The following RASA4 variants were observed in gnomAD, a reference collection of about 807,000 sequenced individuals.
The protein encoded by RASA4 is ras GTPase-activating protein 4.
RASA4 carries 5 observed loss-of-function variants against 24.0 expected under a neutral mutation model. The ratio of observed to expected loss-of-function variants is 0.21; its 90% CI spans 0.11 to 0.44. The LOEUF (loss-of-function observed/expected upper bound fraction) is 0.44. Among genes scored for constraint, RASA4 ranks in the 20% least tolerant of loss-of-function variants. The pLI, the probability that RASA4 is intolerant of heterozygous loss-of-function variation, is 0.99. For missense variants in RASA4, 38 were observed against 293.0 expected, an observed-to-expected ratio of 0.13 and a Z score of 6.35; for synonymous variants, 9 against 132.7, an observed-to-expected ratio of 0.07 and a Z score of 6.41.
At chr7:102,603,859 AACCACC>A (rs1790484401) in intron 5 of RASA4, among the ~76,000 whole-genome samples, 1 of 103,996 alleles carries the variant, frequency 9.6e-6, no homozygotes, top group Non-Finnish European at 2.1e-5. Context: ...AAAAAAAAAA[AACCACC>A]AAAAAAAAAA....
intron 5 of RASA4, among the ~76,000 whole-genome samples, chr7:102,605,035 CA>C (rs1228947762): frequency 1.6e-5 from 2 of 127,074 alleles, no homozygotes; most frequent in African/African-American, 5.0e-5. Context: ...GTGGCCCTGT[CA>C]CAGGTGACTC....
intron 2 of RASA4, among the ~76,000 whole-genome samples, chr7:102,610,517 C>T (rs865925562): frequency 1.1e-3 from 159 of 146,430 alleles, no homozygotes; most frequent in African/African-American, 3.7e-3. Context: ...AGGGTGCAGG[C>T]TGGGGTTGCC....
intron 5 of RASA4, among the ~76,000 whole-genome samples, chr7:102,603,888 T>A: frequency 7.1e-6 from 1 of 141,714 alleles, no homozygotes; most frequent in East Asian, 2.2e-4. Context: ...ACAGCCCGGG[T>A]GCAGTGGCTC....
intron 16 of RASA4, among the ~76,000 whole-genome samples, chr7:102,591,035 T>G (rs1586837370): frequency 7.5e-6 from 1 of 132,966 alleles, no homozygotes; most frequent in Non-Finnish European, 1.6e-5. Flanking sequence ...ATCATCTGAG[T>G]GCTTTGGGAG....
rs1300466079 is a variant in RASA4 at position 102,581,684 on chromosome 7, GC to G, written c.*1086del. ...TCAAGTTTTGCCAACCATCGGACCA[GC>G]CCCGGGCCTCTATGATGAAGGCATC... On this transcript the variant is annotated 3_prime_UTR_variant, in exon 21 of 21. Coordinates refer to ENST00000262940, the MANE Select transcript of RASA4 (RefSeq NM_006989.6). 1 of 21,296 alleles carries G rather than the reference GC, an allele frequency of 4.7e-5. No individual in the cohort carries two copies. Among genetic ancestry groups the G allele is most frequent in the East Asian group, 1.1e-3 (1 of 898 alleles). 1.3% of individuals were successfully genotyped at this position (21,296 alleles called of 1,614,324 possible). A position where few individuals can be genotyped will look rare whatever the true frequency, so the allele number is the denominator to read the frequency against.
chr7:102,603,838 CAAA>C (rs148681177), intron 5 of RASA4, among the ~76,000 whole-genome samples: 6,317 of 49,870 alleles, frequency 0.13, 672 homozygotes, highest in African/African-American at 0.26. Context: ...CAGACTGCCT[CAAA>C]AAAAAAAAAA....
chr7:102,603,203 C>T (rs1323988480), intron 5 of RASA4, among the ~76,000 whole-genome samples: 8 of 140,682 alleles, frequency 5.7e-5, no homozygotes, highest in Admixed American at 3.6e-4. Flanking sequence ...TCAGGTGATC[C>T]GCCTGCCTTG....
intron 5 of RASA4, among the ~76,000 whole-genome samples, chr7:102,603,259 C>G (rs1336874212): frequency 7.9e-4 from 103 of 129,866 alleles, no homozygotes; most frequent in Admixed American, 1.5e-3. Flanking sequence ...CCGCGCCTGG[C>G]CCTTTTATTC....
chr7:102,604,077 T>C (rs1304858958), intron 5 of RASA4, among the ~76,000 whole-genome samples: 1 of 145,414 alleles, frequency 6.9e-6, no homozygotes, highest in African/African-American at 2.5e-5. Flanking sequence ...GGCAGGAGAA[T>C]TGCTTGAACC....
Position 102,580,613 on chromosome 7 carries a change from G to A in RASA4, c.*2158C>T, listed in dbSNP as rs1415100895. 7 of 42,974 alleles carry A rather than the reference G, an allele frequency of 1.6e-4. No homozygotes were observed. Among genetic ancestry groups the A allele is most frequent in the African/African-American group, 3.6e-4 (7 of 19,326 alleles). 2.7% of individuals were successfully genotyped at this position (42,974 alleles called of 1,614,324 possible). ...TCTCAGCACTTTCGGAGGCCAAGGC[G>A]GTCAGATCACCTGAGGTCAGGAGTT... On this transcript the variant is annotated 3_prime_UTR_variant, in exon 21 of 21. Coordinates refer to ENST00000262940, the MANE Select transcript of RASA4 (RefSeq NM_006989.6).
At chr7:102,606,391 ATC>A in intron 4 of RASA4, among the ~76,000 whole-genome samples, 1 of 64,240 alleles carries the variant, frequency 1.6e-5, no homozygotes, top group African/African-American at 4.6e-5. Flanking sequence ...GCAAGACCCC[ATC>A]TCAAAAAAAA....
intron 8 of RASA4, among the ~76,000 whole-genome samples, chr7:102,597,824 C>T (rs1197240589): frequency 5.4e-5 from 2 of 36,996 alleles, no homozygotes; most frequent in Non-Finnish European, 7.1e-5. Flanking sequence ...CAGCAATTAT[C>T]CTGCTTCAGT....
chr7:102,592,080 C>T (rs1373717333), intron 16 of RASA4, among the ~76,000 whole-genome samples: 1 of 150,576 alleles, frequency 6.6e-6, no homozygotes, highest in Non-Finnish European at 1.5e-5. Flanking sequence ...AGTGATCCAC[C>T]CGCCTTGGCC....
intron 1 of RASA4, chr7:102,612,163 C>G (rs545081566): frequency 0.018 from 2,518 of 143,638 alleles, 32 homozygotes; most frequent in Admixed American, 0.052. Context: ...AGCCCTCCCT[C>G]GCCCCAGGAC....
chr7:102,594,902 A>C (rs1490419801), intron 11 of RASA4, among the ~76,000 whole-genome samples: 9 of 51,200 alleles, frequency 1.8e-4, no homozygotes, highest in African/African-American at 3.7e-4. Flanking sequence ...GGTGCGGGGC[A>C]CGGAGTCTAG....
In RASA4 at chr7:102,603,456, A is replaced by G. The variant is rs1790460126; in HGVS notation, c.429-1051T>C. 3.3e-5 allele frequency among the ~76,000 whole-genome samples: 5 copies of G among 150,548 alleles called. No homozygotes were observed. The South Asian group carries it at 1.1e-3, about 32-fold the overall frequency. On this transcript the variant is annotated intron_variant, in intron 5 of 20. Transcript: ENST00000262940. ...CTAATTTTTAAATTTTTTTGTAGAGACAGGATCTTGCTGTTGCCCAGGCTG... is the reference window on the plus strand; with the variant it reads ...CTAATTTTTAAATTTTTTTGTAGAGGCAGGATCTTGCTGTTGCCCAGGCTG...
chr7:102,590,588 G>A (rs1789930500), intron 16 of RASA4, among the ~76,000 whole-genome samples: 2 of 107,434 alleles, frequency 1.9e-5, no homozygotes, highest in African/African-American at 4.4e-5. Flanking sequence ...CCGTGGCCAA[G>A]GCTTTGTGAC....
intron 4 of RASA4, among the ~76,000 whole-genome samples, chr7:102,606,399 A>AG (rs1790663034): frequency 5.4e-5 from 1 of 18,516 alleles, no homozygotes; most frequent in Admixed American, 5.4e-4. Flanking sequence ...CCATCTCAAA[A>AG]AAAAAAAAAA....
chr7:102,588,805 C>A (rs1244308115), intron 17 of RASA4, among the ~76,000 whole-genome samples: 117 of 5,748 alleles, frequency 0.02, 52 homozygotes, highest in Admixed American at 0.034. Context: ...GCTGGGACTA[C>A]AGGCGCACAC....
Sources: gnomAD v4.1 joint callset for allele counts (sites outside exome capture counted in the v4.1 genomes callset) on GRCh38, gnomAD v4.1.1 for gene constraint, MANE v1.5 for transcripts, NCBI Gene and HGNC (gene_info 2026-07-23, HGNC 2026-07-21) for gene names.